The following CAMK4 variants were observed in gnomAD, a reference collection of about 807,000 sequenced individuals.
The protein encoded by CAMK4 is calcium/calmodulin-dependent protein kinase type IV.
In CAMK4, 22 loss-of-function variants were observed where a neutral mutation model predicts 44.9. The observed-to-expected ratio is 0.49, with a 90% CI of 0.35 to 0.70. CAMK4 has a LOEUF of 0.70. Ranked by LOEUF, CAMK4 falls within the 30% of genes least tolerant of loss-of-function variation. The pLI is 0.01. For synonymous variants in CAMK4, 218 were observed against 215.4 expected (o/e 1.01, Z -0.11); for missense variants, 498 against 586.8 (o/e 0.85, Z 1.56).
chr5:111,308,404 G>T (rs1161140835), intron 1 of CAMK4, among the ~76,000 whole-genome samples: 1 of 152,122 alleles, frequency 6.6e-6, no homozygotes, highest in Admixed American at 6.6e-5. Flanking sequence ...TGGTAATAAG[G>T]ATTACTAAAG....
chr5:111,317,757 T>C (rs990423939), intron 1 of CAMK4, among the ~76,000 whole-genome samples: 3 of 152,046 alleles, frequency 2.0e-5, no homozygotes, highest in African/African-American at 7.2e-5. Flanking sequence ...TCAAAAGGGC[T>C]CTGCACTTGG....
rs1754141549 is a variant in CAMK4 at position 111,449,191 on chromosome 5, C to G, written c.613C>G (p.Pro205Ala). The change falls in exon 7 of 11, where the codon CCA (proline) becomes GCA (alanine). Residue 205 changes from proline to alanine, a missense_variant. By Grantham distance (27) the Pro-to-Ala change is conservative (BLOSUM62 -1). Around this residue, in one of 3 missense-constraint regions of CAMK4, gnomAD observed 203 missense variants for 298.2 expected, o/e 0.68. Coordinates refer to ENST00000282356, the MANE Select transcript of CAMK4 (RefSeq NM_001744.6). The stretch of plus-strand genomic sequence containing the variant: ...GCTCATGAAGACAGTATGTGGAACC[C>G]CAGGGTACTGCGGTATGCTCTTTAA... ...QVLMKTVCGT[P>A]GYCAPEILRG... 6.5e-7 allele frequency: 1 copy of G among 1,530,490 alleles called. No homozygotes were observed. Among genetic ancestry groups the G allele is most frequent in the African/African-American group, 1.4e-5 (1 of 73,472 alleles). The allele number at this position is 1,530,490 out of a possible 1,614,324, so 94.8% of individuals were successfully genotyped here. A position where few individuals can be genotyped will look rare whatever the true frequency, so the allele number is the denominator to read the frequency against.
At chr5:111,357,049 C>G (rs1750392319) in intron 2 of CAMK4, among the ~76,000 whole-genome samples, 1 of 152,022 alleles carries the variant, frequency 6.6e-6, no homozygotes, top group Admixed American at 6.6e-5. Context: ...ATGCCATCCA[C>G]TCAAATTATG....
chr5:111,236,443 G>A (rs1383243446), intron 1 of CAMK4, among the ~76,000 whole-genome samples: 1 of 152,260 alleles, frequency 6.6e-6, no homozygotes, highest in Non-Finnish European at 1.5e-5. Flanking sequence ...TCACAAGGAT[G>A]AGCCTGAGGC....
intron 1 of CAMK4, among the ~76,000 whole-genome samples, chr5:111,244,459 G>A (rs1749143701): frequency 6.6e-6 from 1 of 152,122 alleles, no homozygotes; most frequent in Non-Finnish European, 1.5e-5. Context: ...ATTGTCTTCT[G>A]GTCTATGAGT....
At chr5:111,248,471 A>G (rs531716586) in intron 1 of CAMK4, among the ~76,000 whole-genome samples, 1 of 151,698 alleles carries the variant, frequency 6.6e-6, no homozygotes, top group South Asian at 2.1e-4. Context: ...ACAGGCTATA[A>G]TTTTGTGTCA....
intron 1 of CAMK4, among the ~76,000 whole-genome samples, chr5:111,228,814 C>A (rs1273272019): frequency 6.6e-6 from 1 of 152,160 alleles, no homozygotes; most frequent in Admixed American, 6.5e-5. Context: ...TGGGTGGTAT[C>A]CTTTTGGCAC....
chr5:111,416,853 T>C (rs1289786112), intron 5 of CAMK4, among the ~76,000 whole-genome samples: 2 of 152,202 alleles, frequency 1.3e-5, no homozygotes, highest in East Asian at 1.9e-4. Context: ...GTATTATAAA[T>C]TGTTAATAAA....
At chr5:111,411,898 A>C (rs114052308) in intron 5 of CAMK4, among the ~76,000 whole-genome samples, 8 of 152,216 alleles carry the variant, frequency 5.3e-5, no homozygotes, top group Admixed American at 5.2e-4. Flanking sequence ...TTAAAAGGGT[A>C]TGGAAGATAT....
Position 111,331,652 on chromosome 5 carries a change from C to T in CAMK4, c.162-12372C>T, listed in dbSNP as rs75561711. ...CACTTAAATTTGCCCTCCTACAAGA[C>T]GGCTCCCCAGTTTTCTCCCTCCTTT... is the stretch of plus-strand genomic sequence containing the variant. On this transcript the variant is annotated intron_variant, in intron 1 of 10. Transcript: ENST00000282356. Among the ~76,000 whole-genome samples the T allele has an allele frequency of 5.4e-3, 813 of 151,774 alleles. 7 individuals are homozygous for T. Among genetic ancestry groups the T allele is most frequent in the African/African-American group, 0.018 (750 of 41,484 alleles).
intron 2 of CAMK4, among the ~76,000 whole-genome samples, chr5:111,360,343 A>G (rs958858727): frequency 6.6e-6 from 1 of 152,050 alleles, no homozygotes; most frequent in Non-Finnish European, 1.5e-5. Context: ...GCCACATACC[A>G]GGGCCACTGC....
At chr5:111,436,393 C>A (rs1279876880) in intron 5 of CAMK4, among the ~76,000 whole-genome samples, 1 of 152,202 alleles carries the variant, frequency 6.6e-6, no homozygotes, top group Admixed American at 6.5e-5. Context: ...CTTCTCTTGT[C>A]TACTACTCTA....
intron 4 of CAMK4, among the ~76,000 whole-genome samples, 154 bp from the exon 5 acceptor site, chr5:111,394,555 AG>A (rs1304683999): frequency 6.6e-6 from 1 of 152,208 alleles, no homozygotes; most frequent in East Asian, 1.9e-4. Context: ...AGATTTTTAG[AG>A]TGTCAGTTTG....
At chr5:111,476,436 C>T (rs1024987199) in intron 8 of CAMK4, among the ~76,000 whole-genome samples, 1 of 151,938 alleles carries the variant, frequency 6.6e-6, no homozygotes, top group Non-Finnish European at 1.5e-5. Context: ...TGCCACCATG[C>T]CCAGCTAATT....
At chr5:111,425,249 T>C (rs923202709) in intron 5 of CAMK4, among the ~76,000 whole-genome samples, 2 of 152,192 alleles carry the variant, frequency 1.3e-5, no homozygotes, top group African/African-American at 4.8e-5. Context: ...TTGTAGCCAA[T>C]TGCAACTTTC....
chr5:111,313,440 C>T (rs1224721292), intron 1 of CAMK4, among the ~76,000 whole-genome samples: 1 of 152,026 alleles, frequency 6.6e-6, no homozygotes, highest in African/African-American at 2.4e-5. Context: ...ATCCACACAA[C>T]TTTTCTCAAA....
At chr5:111,257,757 C>T (rs1030963376) in intron 1 of CAMK4, among the ~76,000 whole-genome samples, 2 of 152,206 alleles carry the variant, frequency 1.3e-5, no homozygotes, top group Non-Finnish European at 2.9e-5. Context: ...AGATGCCCAT[C>T]AGTGATAGAC....
chr5:111,253,673 T>C (rs916904649), intron 1 of CAMK4, among the ~76,000 whole-genome samples: 2 of 152,224 alleles, frequency 1.3e-5, no homozygotes, highest in African/African-American at 4.8e-5. Flanking sequence ...TGATGTTGAC[T>C]TTATTCCATT....
rs568046964 is a variant in CAMK4 at position 111,253,079 on chromosome 5, G to T, written c.161+28435G>T. Among the ~76,000 whole-genome samples, 12 of 152,264 alleles carry T rather than the reference G, an allele frequency of 7.9e-5. No individual in the cohort carries two copies. In the South Asian group the frequency reaches 2.5e-3, roughly 32 times the overall value. On this transcript the variant is annotated intron_variant, in intron 1 of 10. Coordinates refer to ENST00000282356, the MANE Select transcript of CAMK4 (RefSeq NM_001744.6). ...GAACTTGTTTCTTGTAGGTTACTTG[G>T]CTTCCGCTGATTAAATAACTGGAGC...
Sources: allele counts gnomAD v4.1 joint callset (sites outside exome capture counted in the v4.1 genomes callset), GRCh38; gene constraint gnomAD v4.1.1; regional missense constraint gnomAD v4.1.1; transcripts MANE v1.5; gene names NCBI Gene and HGNC (gene_info 2026-07-23, HGNC 2026-07-21).